HNRNPLL: variants seen among roughly 807,000 people sequenced by gnomAD.
HNRNPLL encodes heterogeneous nuclear ribonucleoprotein L like.
In HNRNPLL, 25 loss-of-function variants were observed where a neutral mutation model predicts 67.1. The observed-to-expected ratio is 0.37, with a 90% CI of 0.27 to 0.52. The LOEUF (loss-of-function observed/expected upper bound fraction) is 0.52, where lower values mean the gene tolerates loss of function less well. Ranked by LOEUF, HNRNPLL falls within the 20% of genes least tolerant of loss-of-function variation. The pLI is 0.90. For missense variants in HNRNPLL, 542 were observed against 673.9 expected (o/e 0.80, Z 2.17); for synonymous variants, 267 against 241.7 (o/e 1.10, Z -0.97).
chr2:38,565,633 TG>T (rs1213349220), intron 12 of HNRNPLL, among the ~76,000 whole-genome samples: 1 of 142,500 alleles, frequency 7.0e-6, no homozygotes, highest in African/African-American at 2.7e-5. Context: ...GAGGCTGAGG[TG>T]GGAGGATCAC....
intron 1 of HNRNPLL, chr2:38,601,721 G>A (rs967023355): frequency 6.6e-6 from 1 of 152,122 alleles, no homozygotes; most frequent in African/African-American, 2.4e-5. Flanking sequence ...AATTACCAAT[G>A]AAAAACTTTA....
intron 1 of HNRNPLL, among the ~76,000 whole-genome samples, chr2:38,595,540 T>C (rs1049140706): frequency 6.6e-6 from 1 of 152,060 alleles, no homozygotes; most frequent in Non-Finnish European, 1.5e-5. Context: ...ACCACAGTCA[T>C]CACTTAAAAG....
chr2:38,576,048 TA>T (rs1666289668), intron 7 of HNRNPLL, among the ~76,000 whole-genome samples: 1 of 151,810 alleles, frequency 6.6e-6, no homozygotes, highest in Non-Finnish European at 1.5e-5. Context: ...TTTTTAAAAA[TA>T]AAAAATTTTG....
At chr2:38,586,984 G>A (rs1258081929) in intron 2 of HNRNPLL, among the ~76,000 whole-genome samples, 1 of 152,186 alleles carries the variant, frequency 6.6e-6, no homozygotes. Flanking sequence ...AGAAATCACA[G>A]CACCTGGATC....
rs1405145354 is a variant in HNRNPLL at position 38,581,936 on chromosome 2, G to C, written c.779C>G (p.Thr260Ser). ...ACCTCGTCTTCCCAAATATGGTTTA[G>C]TGTAGTCCCAACTGTCATTGTCATT... ...IRNDNDSWDY[T>S]KPYLGRRDRG... The change falls in exon 6 of 13, where the codon ACT becomes AGT. Residue 260 changes from threonine to serine, a missense_variant. Transcript: ENST00000449105. The C allele has an allele frequency of 6.2e-7, 1 of 1,611,794 alleles. No homozygotes were observed. Among genetic ancestry groups the C allele is most frequent in the Non-Finnish European group, 8.5e-7 (1 of 1,177,950 alleles).
intron 1 of HNRNPLL, among the ~76,000 whole-genome samples, chr2:38,598,392 C>G (rs1426127582): frequency 6.6e-6 from 1 of 152,172 alleles, no homozygotes; most frequent in Non-Finnish European, 1.5e-5. Context: ...CTGGATCCAG[C>G]CATTCCTAAA....
At chr2:38,573,097 T>C in intron 8 of HNRNPLL, 113 bp downstream of exon 8, 1 of 701,476 alleles carries the variant, frequency 1.4e-6, no homozygotes, top group Non-Finnish European at 2.4e-6. Flanking sequence ...ATGTGGGTCA[T>C]TACTCAAAGA....
intron 7 of HNRNPLL, 107 bp from the exon 8 acceptor site, chr2:38,573,534 T>C: frequency 1.4e-6 from 1 of 717,060 alleles, no homozygotes; most frequent in Non-Finnish European, 2.3e-6. Context: ...ACTCTTAATA[T>C]TAGCTAGTTT....
At chr2:38,598,838 T>C (rs1169944826) in intron 1 of HNRNPLL, among the ~76,000 whole-genome samples, 1 of 152,178 alleles carries the variant, frequency 6.6e-6, no homozygotes, top group African/African-American at 2.4e-5. Context: ...TTCCCCAAAC[T>C]AGGCCTAAAA....
chr2:38,565,248 C>A lies in HNRNPLL; in HGVS notation c.1574-1011G>T, dbSNP rs192614385. 4.3e-3 allele frequency among the ~76,000 whole-genome samples: 655 copies of A among 152,058 alleles called. 2 individuals are homozygous for A. Among genetic ancestry groups the A allele is most frequent in the Middle Eastern group, 6.8e-3 (2 of 294 alleles). On this transcript the variant is annotated intron_variant, in intron 12 of 12. Coordinates refer to ENST00000449105, the MANE Select transcript of HNRNPLL (RefSeq NM_138394.4). ...ATCAACAAGTGTGTACAAGACACTG[C>A]AGAGGATAAAAACATACATAACTGT...
At chr2:38,599,085 A>G (rs1012102707) in intron 1 of HNRNPLL, among the ~76,000 whole-genome samples, 2 of 152,256 alleles carry the variant, frequency 1.3e-5, no homozygotes, top group Non-Finnish European at 2.9e-5. Context: ...AGTAATTTAC[A>G]TTGTGCAAGT....
chr2:38,572,926 A>G (rs896173451), intron 8 of HNRNPLL, among the ~76,000 whole-genome samples: 2 of 152,046 alleles, frequency 1.3e-5, no homozygotes, highest in Non-Finnish European at 2.9e-5. Flanking sequence ...TCACCAAAAT[A>G]TAGACTTCAG....
At chr2:38,567,554 T>C (rs1047953603) in intron 12 of HNRNPLL, among the ~76,000 whole-genome samples, 2 of 152,222 alleles carry the variant, frequency 1.3e-5, no homozygotes, top group African/African-American at 2.4e-5. Flanking sequence ...AACATATGCA[T>C]GTATTGCTTT....
At chr2:38,571,075 G>A (rs909444253) in intron 8 of HNRNPLL, among the ~76,000 whole-genome samples, 12 of 151,938 alleles carry the variant, frequency 7.9e-5, no homozygotes, top group Non-Finnish European at 1.6e-4. Flanking sequence ...ACTGTAGACA[G>A]TACTGAAAGA....
In HNRNPLL at chr2:38,582,093, T is replaced by C. The variant is rs746500272; in HGVS notation, c.708A>G (p.Thr236=). 1.2e-6 allele frequency: 2 copies of C among 1,613,674 alleles called. No homozygotes were observed. Among genetic ancestry groups the C allele is most frequent in the East Asian group, 2.2e-5 (1 of 44,870 alleles). The change falls in exon 5 of 13, where the codon ACA becomes ACG. Residue 236 remains threonine (T), a synonymous_variant. Coordinates refer to ENST00000449105, the MANE Select transcript of HNRNPLL (RefSeq NM_138394.4). ...NGADIYAGCC[T]LKIEYARPTR... ...TTACCCGTGCATATTCAATTTTTAG[T>C]GTGCAACATCCAGCATATATATCAG...
At chr2:38,581,524 A>G (rs1235046178) in intron 6 of HNRNPLL, 2 of 264,604 alleles carry the variant, frequency 7.6e-6, no homozygotes, top group Non-Finnish European at 1.4e-5. Flanking sequence ...GGAGTCCTCT[A>G]TCCTTCTTAA....
At chr2:38,598,087 AAAAAT>A (rs894473569) in intron 1 of HNRNPLL, among the ~76,000 whole-genome samples, 12 of 150,472 alleles carry the variant, frequency 8.0e-5, no homozygotes, top group African/African-American at 2.9e-4. Flanking sequence ...CGTTCTGTTT[AAAAAT>A]AAAAACATAA....
chr2:38,572,435 G>A (rs1203128079), intron 8 of HNRNPLL, among the ~76,000 whole-genome samples: 2 of 151,752 alleles, frequency 1.3e-5, no homozygotes, highest in Non-Finnish European at 2.9e-5. Context: ...ACTTAAAACA[G>A]GAAAAAAACA....
intron 4 of HNRNPLL, among the ~76,000 whole-genome samples, chr2:38,583,247 A>C (rs997108631): frequency 6.6e-6 from 1 of 152,244 alleles, no homozygotes; most frequent in Non-Finnish European, 1.5e-5. Flanking sequence ...ATAAAACATA[A>C]GTCCCTTGCC....
Sources: allele counts gnomAD v4.1 joint callset (sites outside exome capture counted in the v4.1 genomes callset), GRCh38; gene constraint gnomAD v4.1.1; transcripts MANE v1.5; gene names NCBI Gene and HGNC (gene_info 2026-07-23, HGNC 2026-07-21).